Variants in GRIK2 observed in about 807,000 individuals in gnomAD.
The protein encoded by GRIK2 is glutamate receptor ionotropic, kainate 2.
GRIK2 carries 32 observed loss-of-function variants against 100.3 expected under a neutral mutation model. The observed-to-expected ratio is 0.32, with a 90% CI of 0.24 to 0.43. GRIK2 has a LOEUF of 0.43. GRIK2 is among the 20% of genes least tolerant of loss of function. The pLI is 1.00. For synonymous variants in GRIK2, 417 were observed against 389.4 expected, an observed-to-expected ratio of 1.07 and a Z score of -0.83; for missense variants, 843 against 1,114.9, an observed-to-expected ratio of 0.76 and a Z score of 3.47.
At chr6:102,027,112 A>C (rs1322304860) in intron 14 of GRIK2, among the ~76,000 whole-genome samples, 1 of 151,298 alleles carries the variant, frequency 6.6e-6, no homozygotes, top group Admixed American at 6.6e-5. Context: ...ATTACATGTA[A>C]CTTTTTCATA....
At chr6:101,693,205 A>G (rs185753926) in intron 7 of GRIK2, among the ~76,000 whole-genome samples, 58 of 152,232 alleles carry the variant, frequency 3.8e-4, no homozygotes, top group Admixed American at 1.6e-3. Flanking sequence ...TGGCAGTTGC[A>G]GTGAAGCATT....
At chr6:101,666,589 G>A (rs1770049506) in intron 4 of GRIK2, among the ~76,000 whole-genome samples, 1 of 152,232 alleles carries the variant, frequency 6.6e-6, no homozygotes, top group African/African-American at 2.4e-5. Context: ...GGCTTAGAGA[G>A]TGTCTCCCAG....
At chr6:101,839,229 G>A (rs1192070035) in intron 10 of GRIK2, among the ~76,000 whole-genome samples, 1 of 152,110 alleles carries the variant, frequency 6.6e-6, no homozygotes, top group Non-Finnish European at 1.5e-5. Context: ...ACTTTGGTTG[G>A]GTGCCAGTAG....
At chr6:102,027,720 TAGAC>T (rs1769776633) in intron 14 of GRIK2, among the ~76,000 whole-genome samples, 1 of 151,190 alleles carries the variant, frequency 6.6e-6, no homozygotes, top group African/African-American at 2.4e-5. Flanking sequence ...TTATCACTTT[TAGAC>T]AGTCAGGTTC....
At chr6:101,814,041 C>A (rs796092526) in intron 9 of GRIK2, among the ~76,000 whole-genome samples, 1 of 151,574 alleles carries the variant, frequency 6.6e-6, no homozygotes, top group Non-Finnish European at 1.5e-5. Context: ...AGATAATTTT[C>A]GTAGAGTAGA....
intron 7 of GRIK2, among the ~76,000 whole-genome samples, chr6:101,692,136 G>C (rs1772154875): frequency 6.6e-6 from 1 of 150,408 alleles, no homozygotes; most frequent in African/African-American, 2.5e-5. Flanking sequence ...TTTACTGCTA[G>C]AACAACTGCA....
intron 2 of GRIK2, among the ~76,000 whole-genome samples, chr6:101,489,184 TC>T (rs1347330323): frequency 6.8e-6 from 1 of 146,264 alleles, no homozygotes; most frequent in Admixed American, 6.8e-5. Flanking sequence ...GAGGGTTTAC[TC>T]TTTGAACAAG....
intron 2 of GRIK2, among the ~76,000 whole-genome samples, chr6:101,574,626 A>G (rs1189957871): frequency 6.6e-6 from 1 of 151,528 alleles, no homozygotes; most frequent in Non-Finnish European, 1.5e-5. Flanking sequence ...CGGACTACCT[A>G]CTACCAGCAT....
chr6:101,679,029 A>G (rs1196428719), intron 5 of GRIK2, among the ~76,000 whole-genome samples: 1 of 152,182 alleles, frequency 6.6e-6, no homozygotes, highest in Non-Finnish European at 1.5e-5. Context: ...ACCTCCATCC[A>G]GATTTATCAA....
At chr6:101,404,339 C>T (rs910958069) in intron 2 of GRIK2, among the ~76,000 whole-genome samples, 1 of 152,222 alleles carries the variant, frequency 6.6e-6, no homozygotes, top group African/African-American at 2.4e-5. Context: ...CAAGTTTTCT[C>T]ACCATTACAT....
intron 2 of GRIK2, among the ~76,000 whole-genome samples, chr6:101,581,420 A>G (rs1031454441): frequency 1.3e-5 from 2 of 152,024 alleles, no homozygotes; most frequent in Non-Finnish European, 2.9e-5. Flanking sequence ...CCAAGTCCCA[A>G]AGCTGAAGAA....
chr6:101,568,054 A>G (rs1777363893), intron 2 of GRIK2, among the ~76,000 whole-genome samples: 1 of 151,974 alleles, frequency 6.6e-6, no homozygotes, highest in Non-Finnish European at 1.5e-5. Context: ...TAATCTTGGG[A>G]GAATTGTATA....
chr6:101,780,137 G>C (rs1390048556), intron 7 of GRIK2, among the ~76,000 whole-genome samples: 1 of 152,028 alleles, frequency 6.6e-6, no homozygotes, highest in African/African-American at 2.4e-5. Context: ...ATAAGAAAAA[G>C]ACAAGATTTG....
chr6:101,728,028 AC>A (rs1473796462), intron 7 of GRIK2, among the ~76,000 whole-genome samples: 1 of 152,050 alleles, frequency 6.6e-6, no homozygotes, highest in Non-Finnish European at 1.5e-5. Context: ...GCCAAATAGA[AC>A]CTGTCCAAAT....
Position 101,906,603 on chromosome 6 carries a change from G to A in GRIK2, c.1748+16740G>A, listed in dbSNP as rs975309601. ...TATTCAATTAGTCCACCTGAAGATA[G>A]CACTGTAAAAGGCATAAAAAGCAGG... On this transcript the variant is annotated intron_variant, in intron 12 of 16. Transcript: ENST00000369134. Among the ~76,000 whole-genome samples the A allele has an allele frequency of 2.6e-5, 4 of 151,644 alleles. No individual in the cohort carries two copies. The Admixed American group carries it at 2.6e-4, about 10-fold the overall frequency.
Position 101,622,095 on chromosome 6 carries a change from A to G in GRIK2, c.262A>G (p.Ser88Gly). The G allele has an allele frequency of 6.3e-7, 1 of 1,596,014 alleles. No individual in the cohort carries two copies. The highest frequency in any genetic ancestry group is 8.6e-7 in the Non-Finnish European group (1 of 1,165,706). ...YDTQKINLYD[S>G]FEASKKACDQ... Reference sequence around the variant, plus strand: ...TACCCAGAAGATAAACCTTTATGATAGTTTTGAAGCATCCAAGAAAGGTAA... The same window carrying G: ...TACCCAGAAGATAAACCTTTATGATGGTTTTGAAGCATCCAAGAAAGGTAA... The change falls in exon 3 of 17, where the codon AGT (serine) becomes GGT (glycine). Residue 88 changes from serine to glycine, a missense_variant. This residue lies in a region of GRIK2 where 519 missense variants were observed against 643.8 expected (regional missense o/e 0.81). Coordinates refer to ENST00000369134, the MANE Select transcript of GRIK2 (RefSeq NM_021956.5).
intron 2 of GRIK2, among the ~76,000 whole-genome samples, chr6:101,477,348 T>C (rs991878706): frequency 1.3e-5 from 2 of 152,194 alleles, no homozygotes; most frequent in African/African-American, 4.8e-5. Context: ...CGGTAAGGGA[T>C]ATTGACAGGT....
Position 102,069,229 on chromosome 6 carries a change from T to C in GRIK2, c.*718T>C, listed in dbSNP as rs1772156333. ...TCTTAAGTTCCCTAAGGCAGAAGAT[T>C]TAACATGCAATTCTACCAGATCCCT... On this transcript the variant is annotated 3_prime_UTR_variant, in exon 17 of 17. Transcript: ENST00000369134. 6.7e-6 allele frequency: 1 copy of C among 148,646 alleles called. No individual in the cohort carries two copies. Among genetic ancestry groups the C allele is most frequent in the Non-Finnish European group, 1.5e-5 (1 of 67,250 alleles). 9.2% of individuals were successfully genotyped at this position (148,646 alleles called of 1,614,324 possible). A position where few individuals can be genotyped will look rare whatever the true frequency, so the allele number is the denominator to read the frequency against.
At chr6:101,764,029 G>A (rs922248757) in intron 7 of GRIK2, among the ~76,000 whole-genome samples, 16 of 152,018 alleles carry the variant, frequency 1.1e-4, no homozygotes, top group African/African-American at 3.9e-4. Context: ...ACTTAAATAA[G>A]GTTTTAAATC....
Sources: allele counts gnomAD v4.1 joint callset (sites outside exome capture counted in the v4.1 genomes callset), GRCh38; gene constraint gnomAD v4.1.1; regional missense constraint gnomAD v4.1.1; transcripts MANE v1.5; gene names NCBI Gene and HGNC (gene_info 2026-07-23, HGNC 2026-07-21).